The following ACSM1 variants were observed in gnomAD, a reference collection of about 807,000 sequenced individuals.
ACSM1 encodes acyl-CoA synthetase medium chain family member 1, also known as acyl-coenzyme A synthetase ACSM1, mitochondrial.
A neutral mutation model predicts 75.8 loss-of-function variants in ACSM1; 79 were observed. The observed-to-expected ratio is 1.04, with a 90% CI of 0.87 to 1.26. ACSM1 has a LOEUF of 1.26. Ranked by LOEUF, ACSM1 falls within the 50% of genes most tolerant of loss-of-function variation. The pLI is 0.00. For missense variants in ACSM1, 676 were observed against 720.1 expected (o/e 0.94, Z 0.70); for synonymous variants, 279 against 265.8 (o/e 1.05, Z -0.48).
chr16:20,690,524 G>C (rs1010108698), intron 2 of ACSM1, among the ~76,000 whole-genome samples: 1 of 152,186 alleles, frequency 6.6e-6, no homozygotes, highest in Non-Finnish European at 1.5e-5. Flanking sequence ...AAGATGGATG[G>C]CCTAACATAG....
intron 1 of ACSM1, among the ~76,000 whole-genome samples, chr16:20,692,220 G>A (rs1353388681): frequency 2.6e-5 from 4 of 152,198 alleles, no homozygotes; most frequent in African/African-American, 4.8e-5. Context: ...AACCTGGCCC[G>A]TGACACAGCC....
In ACSM1 at chr16:20,685,133, C is replaced by G. The variant is rs2079523338; in HGVS notation, c.403+60G>C. ...GCTGGGTGCACAGCACCTAATATCTCAGGACCCATTGGTTCTAGAACAGCC... is the reference window on the plus strand; with the variant it reads ...GCTGGGTGCACAGCACCTAATATCTGAGGACCCATTGGTTCTAGAACAGCC... On this transcript the variant is annotated intron_variant, in intron 3 of 13. Transcript: ENST00000520010. The G allele has an allele frequency of 2.5e-6, 4 of 1,574,532 alleles. No individual in the cohort carries two copies. The South Asian group carries it at 4.4e-5, about 17-fold the overall frequency.
At chr16:20,690,858 G>A in intron 2 of ACSM1, 139 bp downstream of exon 2, 2 of 783,612 alleles carry the variant, frequency 2.6e-6, no homozygotes, top group Non-Finnish European at 3.9e-6. Flanking sequence ...ATAGAACCTT[G>A]AAATATAAGC....
At chr16:20,630,963 TA>T (rs1421565385) in intron 10 of ACSM1, among the ~76,000 whole-genome samples, 3 of 152,198 alleles carry the variant, frequency 2.0e-5, no homozygotes, top group African/African-American at 7.2e-5. Flanking sequence ...ATTTAGAAAT[TA>T]TCTTGAGACA....
intron 7 of ACSM1, among the ~76,000 whole-genome samples, chr16:20,644,027 A>G (rs1422933624): frequency 3.3e-5 from 5 of 152,170 alleles, no homozygotes; most frequent in Non-Finnish European, 7.3e-5. Context: ...TGGTGCATTT[A>G]CAGTCCTTTA....
chr16:20,695,339 C>T (rs1246132381), intron 1 of ACSM1, among the ~76,000 whole-genome samples: 2 of 152,158 alleles, frequency 1.3e-5, no homozygotes, highest in African/African-American at 4.8e-5. Flanking sequence ...TGCACGATAT[C>T]CTGCAAAAAG....
At chr16:20,640,653 C>A in intron 7 of ACSM1, 69 bp from the exon 8 acceptor site, 1 of 1,601,768 alleles carries the variant, frequency 6.2e-7, no homozygotes, top group African/African-American at 1.3e-5. Flanking sequence ...GCTCTTAAGT[C>A]TGTCACCCAG....
intron 2 of ACSM1, among the ~76,000 whole-genome samples, chr16:20,685,847 C>CA (rs1491230287): frequency 7.7e-5 from 7 of 91,032 alleles, no homozygotes; most frequent in Non-Finnish European, 1.3e-4. Flanking sequence ...AAAAAAAAAA[C>CA]AAAAAACTTA....
At chr16:20,688,904 G>A (rs1009203685) in intron 2 of ACSM1, among the ~76,000 whole-genome samples, 5 of 150,406 alleles carry the variant, frequency 3.3e-5, no homozygotes, top group African/African-American at 1.2e-4. Context: ...AACTCCACTT[G>A]TTATTTGTTA....
At chr16:20,634,260 A>T (rs1336583059) in intron 10 of ACSM1, among the ~76,000 whole-genome samples, 2 of 152,232 alleles carry the variant, frequency 1.3e-5, no homozygotes, top group Non-Finnish European at 2.9e-5. Context: ...AAAATGGTGC[A>T]GCCATTGTGA....
At chr16:20,669,588 A>G (rs1472537624) in intron 6 of ACSM1, among the ~76,000 whole-genome samples, 1 of 152,022 alleles carries the variant, frequency 6.6e-6, no homozygotes, top group Non-Finnish European at 1.5e-5. Context: ...CAAGTCTACA[A>G]AGACTGATCT....
chr16:20,648,531 C>T lies in ACSM1; in HGVS notation c.993-7947G>A, dbSNP rs752669173. On this transcript the variant is annotated intron_variant, in intron 7 of 13. Coordinates refer to ENST00000520010, the MANE Select transcript of ACSM1 (RefSeq NM_001318890.3). This position sits in a 1 kb window ranked among gnomAD's most constrained non-coding sequence, Gnocchi z 4.2. ...TGGAAATGGGTGGTTGGATGTACCT[C>T]ATTATACCCTCCTTCCTTTGGAATT... Among the ~76,000 whole-genome samples the T allele has an allele frequency of 2.6e-5, 4 of 152,304 alleles. No individual in the cohort carries two copies. The highest frequency in any genetic ancestry group is 7.2e-5 in the African/African-American group (3 of 41,570).
At chr16:20,658,450 G>A (rs1232412302) in intron 7 of ACSM1, among the ~76,000 whole-genome samples, 4 of 146,400 alleles carry the variant, frequency 2.7e-5, no homozygotes, top group Non-Finnish European at 5.9e-5. Flanking sequence ...CTTTTTGATG[G>A]GGTTGTTCTT....
chr16:20,651,130 A>G (rs1029554482), intron 7 of ACSM1, among the ~76,000 whole-genome samples: 2 of 152,158 alleles, frequency 1.3e-5, no homozygotes, highest in Admixed American at 6.5e-5. Context: ...TTCATACCTT[A>G]TGATGTAAAT....
In ACSM1 at chr16:20,682,483, T is replaced by C; in HGVS notation, c.404-20A>G. 1 of 1,602,170 alleles carries C rather than the reference T, an allele frequency of 6.2e-7. No homozygotes were observed. The highest frequency in any genetic ancestry group is 8.5e-7 in the Non-Finnish European group (1 of 1,170,220). ...TGATCCCTGGGGATGAGAAAGGAAC[T>C]GATTGTTTTGGTTTCTTTTTCACAA... On this transcript the variant is annotated intron_variant, in intron 3 of 13. Coordinates refer to ENST00000520010, the MANE Select transcript of ACSM1 (RefSeq NM_001318890.3).
At chr16:20,694,860 AGAG>A (rs748840577) in intron 1 of ACSM1, among the ~76,000 whole-genome samples, 2 of 152,204 alleles carry the variant, frequency 1.3e-5, no homozygotes, top group East Asian at 3.8e-4. Flanking sequence ...CCTTATAAAA[AGAG>A]GAGATTAGGA....
At chr16:20,695,013 A>G (rs1312745391) in intron 1 of ACSM1, among the ~76,000 whole-genome samples, 1 of 152,210 alleles carries the variant, frequency 6.6e-6, no homozygotes, top group Non-Finnish European at 1.5e-5. Context: ...CCACTCAGTC[A>G]TTAGTAATTT....
intron 4 of ACSM1, among the ~76,000 whole-genome samples, chr16:20,677,841 T>C (rs900089569): frequency 6.6e-6 from 1 of 152,034 alleles, no homozygotes; most frequent in African/African-American, 2.4e-5. Context: ...TTCTGACACT[T>C]TCCATGTTCA....
intron 1 of ACSM1, among the ~76,000 whole-genome samples, chr16:20,692,256 C>T (rs531089628): frequency 6.6e-6 from 1 of 152,284 alleles, no homozygotes; most frequent in African/African-American, 2.4e-5. Context: ...GACTATGTGG[C>T]CAAGGTGGTT....
Sources: allele counts gnomAD v4.1 joint callset (sites outside exome capture counted in the v4.1 genomes callset), GRCh38; gene constraint gnomAD v4.1.1; non-coding constraint Gnocchi (gnomAD v3.1); transcripts MANE v1.5; gene names NCBI Gene and HGNC (gene_info 2026-07-23, HGNC 2026-07-21).